Variants in SPNS3 observed in about 807,000 individuals in gnomAD.
SPNS3 encodes protein spinster homolog 3.
SPNS3 carries 51 observed loss-of-function variants against 54.4 expected under a neutral mutation model. The ratio of observed to expected loss-of-function variants is 0.94; its 90% CI spans 0.75 to 1.18. The LOEUF is 1.18. Among genes scored for constraint, SPNS3 ranks in the 50% most tolerant of loss-of-function variants. SPNS3 has a pLI of 0.00. For missense variants in SPNS3, 669 were observed against 677.4 expected, an observed-to-expected ratio of 0.99 and a Z score of 0.14; for synonymous variants, 309 against 294.7, an observed-to-expected ratio of 1.05 and a Z score of -0.50.
intron 8 of SPNS3, among the ~76,000 whole-genome samples, chr17:4,460,363 C>A (rs1971462991): frequency 6.6e-6 from 1 of 151,728 alleles, no homozygotes; most frequent in Non-Finnish European, 1.5e-5. Flanking sequence ...TATGTTTAAC[C>A]AACCTTGCAT....
chr17:4,449,284 A>G lies in SPNS3; in HGVS notation c.820A>G (p.Thr274Ala), dbSNP rs1971089805. Residue 274 changes from threonine (T) to alanine (A), a missense_variant, in exon 7 of 12, where the codon ACT (threonine) becomes GCT (alanine). Transcript: ENST00000355530. Reference protein sequence around the residue: ...TLGVTAMAFVTGALGFWAPKF... With the variant: ...TLGVTAMAFVAGALGFWAPKF... ...CGGAGTGACCGCCATGGCCTTTGTG[A>G]CTGGAGCCCTGGGGTTCTGGGCCCC... 6.2e-7 allele frequency: 1 copy of G among 1,612,302 alleles called. No homozygotes were observed. Among genetic ancestry groups the G allele is most frequent in the Admixed American group, 1.7e-5 (1 of 59,808 alleles).
At chr17:4,451,265 C>T (rs7218086) in intron 7 of SPNS3, among the ~76,000 whole-genome samples, 4,061 of 35,602 alleles carry the variant, frequency 0.11, 117 homozygotes, top group African/African-American at 0.18. Context: ...TTTTTTTTTT[C>T]CATTTGAGAC....
At chr17:4,455,666 C>G (rs544736737) in intron 8 of SPNS3, among the ~76,000 whole-genome samples, 1 of 152,276 alleles carries the variant, frequency 6.6e-6, no homozygotes, top group East Asian at 1.9e-4. Flanking sequence ...AGGCCTCCCC[C>G]ACTGCCGCCC....
intron 2 of SPNS3, among the ~76,000 whole-genome samples, chr17:4,441,380 C>A (rs1970842784): frequency 6.6e-6 from 1 of 151,936 alleles, no homozygotes; most frequent in Admixed American, 6.6e-5. Flanking sequence ...AAAAAAAAGA[C>A]AAAAGAGTTA....
At chr17:4,463,100 A>G (rs972290100) in intron 8 of SPNS3, among the ~76,000 whole-genome samples, 14 of 151,968 alleles carry the variant, frequency 9.2e-5, no homozygotes, top group African/African-American at 3.1e-4. Context: ...GTGTGTAGAC[A>G]TTAAAATGAA....
chr17:4,449,831 C>T (rs1470422142), intron 7 of SPNS3, among the ~76,000 whole-genome samples: 3 of 152,198 alleles, frequency 2.0e-5, no homozygotes, highest in South Asian at 2.1e-4. Context: ...TGGGATTTCA[C>T]GTGTGTGGGA....
intron 1 of SPNS3, among the ~76,000 whole-genome samples, chr17:4,435,454 T>A (rs866288808): frequency 0.1 from 11,047 of 106,652 alleles, 1,216 homozygotes; most frequent in African/African-American, 0.31. Flanking sequence ...AAAAAAAAAA[T>A]AAAAAATAAA....
intron 5 of SPNS3, 107 bp from the exon 6 acceptor site, chr17:4,448,048 G>T (rs1971044529): frequency 8.6e-7 from 1 of 1,158,710 alleles, no homozygotes; most frequent in Non-Finnish European, 1.2e-6. Context: ...CCAGGGCTTG[G>T]AAACCAGAGG....
At chr17:4,453,713 G>A (rs981812072) in intron 8 of SPNS3, among the ~76,000 whole-genome samples, 63 of 152,176 alleles carry the variant, frequency 4.1e-4, no homozygotes, top group African/African-American at 1.4e-3. Flanking sequence ...ACTGTAAAAG[G>A]TGTCCTCTGA....
At chr17:4,456,785 G>A (rs1597320102) in intron 8 of SPNS3, among the ~76,000 whole-genome samples, 1 of 151,930 alleles carries the variant, frequency 6.6e-6, no homozygotes, top group Non-Finnish European at 1.5e-5. Flanking sequence ...AGCGATCTCA[G>A]CTCACTGCAA....
At chr17:4,454,148 C>A (rs56371138) in intron 8 of SPNS3, among the ~76,000 whole-genome samples, 1,695 of 152,340 alleles carry the variant, frequency 0.011, 31 homozygotes, top group African/African-American at 0.039. Context: ...GGGCTCAGCA[C>A]CTGTTTGGGT....
intron 1 of SPNS3, among the ~76,000 whole-genome samples, chr17:4,438,190 C>T (rs1374342056): frequency 6.6e-6 from 1 of 152,152 alleles, no homozygotes; most frequent in African/African-American, 2.4e-5. Flanking sequence ...GTGGGTGTTT[C>T]TGCGGGGACC....
At chr17:4,485,542 C>T (rs887814819) in intron 9 of SPNS3, among the ~76,000 whole-genome samples, 1 of 152,084 alleles carries the variant, frequency 6.6e-6, no homozygotes, top group African/African-American at 2.4e-5. Flanking sequence ...GGATTACAGG[C>T]ATGTGCCACC....
chr17:4,446,936 A>G lies in SPNS3; in HGVS notation c.595A>G (p.Thr199Ala), dbSNP rs765954053. 6.2e-7 allele frequency: 1 copy of G among 1,613,946 alleles called. No individual in the cohort carries two copies. Among genetic ancestry groups the G allele is most frequent in the South Asian group, 1.1e-5 (1 of 91,078 alleles). Residue 199 changes from threonine to alanine, a missense_variant, in exon 5 of 12, where the codon ACT becomes GCT. Coordinates refer to ENST00000355530, the MANE Select transcript of SPNS3 (RefSeq NM_182538.5). ...GCTGGGGTCGGCTGTGACGATGCTG[A>G]CTGGGAACTGGCGCTGGGCCCTCCG... Reference protein sequence around the residue: ...YVLGSAVTMLTGNWRWALRVM... With the variant: ...YVLGSAVTMLAGNWRWALRVM...
intron 5 of SPNS3, 101 bp downstream of exon 5, chr17:4,447,063 A>T: frequency 2.3e-5 from 26 of 1,133,518 alleles, no homozygotes; most frequent in African/African-American, 6.5e-5. Flanking sequence ...ACCCGGCGCC[A>T]TTAGGGGGAC....
intron 8 of SPNS3, among the ~76,000 whole-genome samples, chr17:4,455,605 C>T (rs1000116387): frequency 6.6e-6 from 1 of 152,142 alleles, no homozygotes; most frequent in Non-Finnish European, 1.5e-5. Flanking sequence ...TCATGAGCAC[C>T]GTGTCTCCCT....
In SPNS3 at chr17:4,486,652, C is replaced by T; in HGVS notation, c.1450+69C>T. ...TAGGGACAGACAGCACTGGCCACCC[C>T]CTGAATCCCTGGCCAGTTTGTTTGT... On this transcript the variant is annotated intron_variant, in intron 11 of 11. Transcript: ENST00000355530. This position sits in a 1 kb window ranked among gnomAD's most constrained non-coding sequence, Gnocchi z 5.5. 1 of 1,465,440 alleles carries T rather than the reference C, an allele frequency of 6.8e-7. No individual in the cohort carries two copies. Among genetic ancestry groups the T allele is most frequent in the South Asian group, 1.3e-5 (1 of 78,536 alleles). 90.8% of individuals were successfully genotyped at this position (1,465,440 alleles called of 1,614,324 possible). A position where few individuals can be genotyped will look rare whatever the true frequency, so the allele number is the denominator to read the frequency against.
At position 4,486,890 on chromosome 17, in the gene SPNS3, G is replaced by A. The variant is rs1972332570; in HGVS notation, c.1450+307G>A. Among the ~76,000 whole-genome samples the A allele has an allele frequency of 6.6e-6, 1 of 151,966 alleles. No homozygotes were observed. The highest frequency in any genetic ancestry group is 2.4e-5 in the African/African-American group (1 of 41,406). On this transcript the variant is annotated intron_variant, in intron 11 of 11. Transcript: ENST00000355530. The surrounding 1 kb of genome is among the most constrained non-coding windows in gnomAD (Gnocchi z 5.5). ...TATAAAGCAGGAAAGGAAGGAGAAA[G>A]GGGCCGGGCGCGGTGGCTCACACCT...
intron 3 of SPNS3, 141 bp from the exon 4 acceptor site, chr17:4,445,907 G>T: frequency 1.1e-6 from 1 of 924,914 alleles, no homozygotes; most frequent in Non-Finnish European, 1.6e-6. Context: ...GGAGTGGAGA[G>T]GTGTCTGTAG....
Sources: gnomAD v4.1 joint callset for allele counts (sites outside exome capture counted in the v4.1 genomes callset) on GRCh38, gnomAD v4.1.1 for gene constraint, Gnocchi (gnomAD v3.1) non-coding constraint, MANE v1.5 for transcripts, NCBI Gene and HGNC (gene_info 2026-07-23, HGNC 2026-07-21) for gene names.